FAM83C: variants seen among roughly 807,000 people sequenced by gnomAD.
FAM83C encodes scaffolding CK1 anchoring protein C.
FAM83C carries 23 observed loss-of-function variants against 27.1 expected under a neutral mutation model. The observed-to-expected ratio is 0.85, with a 90% CI of 0.61 to 1.20. The LOEUF (loss-of-function observed/expected upper bound fraction) is 1.20, where lower values mean the gene tolerates loss of function less well. FAM83C is among the 50% of genes most tolerant of loss of function. The probability of loss-of-function intolerance (pLI) is 0.00; values close to 1 mark genes in which losing one functional copy is unlikely to be tolerated. For synonymous variants in FAM83C, 426 were observed against 423.1 expected (o/e 1.01, Z -0.09); for missense variants, 984 against 1,001.3 (o/e 0.98, Z 0.23).
chr20:35,287,748 GAGGGCAGGGACGACGT>G lies in FAM83C; in HGVS notation c.1015_1030del (p.Thr339ProfsTer74). ...CTTGATGCTGCTGAGGCTGGTGCTG[GAGGGCAGGGACGACGT>G]GGGGCTTGGGACATCAGGCCTGAAG... On this transcript the variant is annotated frameshift_variant, in exon 4 of 4. Coordinates refer to ENST00000374408, the MANE Select transcript of FAM83C (RefSeq NM_178468.6). LOFTEE classifies it low-confidence loss of function (END_TRUNC). The G allele has an allele frequency of 6.2e-7, 1 of 1,613,806 alleles. No homozygotes were observed. Among genetic ancestry groups the G allele is most frequent in the Non-Finnish European group, 8.5e-7 (1 of 1,179,846 alleles).
In FAM83C at chr20:35,288,454, T is replaced by G; in HGVS notation, c.806+7A>C. 2 of 1,613,936 alleles carry G rather than the reference T, an allele frequency of 1.2e-6. No individual in the cohort carries two copies. Among genetic ancestry groups the G allele is most frequent in the Non-Finnish European group, 1.7e-6 (2 of 1,179,946 alleles). ...CAGGCCCCCCTTGCCTCCTCGTGCC[T>G]GCTCACCTGTAACTGCCCGCCACCA... On this transcript the variant is annotated splice_region_variant and intron_variant, in intron 3 of 3. Coordinates refer to ENST00000374408, the MANE Select transcript of FAM83C (RefSeq NM_178468.6).
intron 1 of FAM83C, among the ~76,000 whole-genome samples, chr20:35,291,554 TG>T (rs910938602): frequency 2.0e-4 from 30 of 152,362 alleles, no homozygotes; most frequent in African/African-American, 7.2e-4. Context: ...CAGGGGATTG[TG>T]GAGTCCCTGA....
Position 35,287,483 on chromosome 20 carries a change from A to G in FAM83C, c.1296T>C (p.Asn432=). ...CTGCCAAGGTTAAGGGGCTGGTACT[A>G]TTATGGTTGAGGGCAGGGGAGGACT... ...WSQSSPALNH[N]STSPLTLAVG... The change falls in exon 4 of 4, where the codon AAT becomes AAC. Residue 432 remains asparagine (N), a synonymous_variant. Transcript: ENST00000374408. 1.9e-6 allele frequency: 3 copies of G among 1,614,120 alleles called. No homozygotes were observed. Among genetic ancestry groups the G allele is most frequent in the Non-Finnish European group, 2.5e-6 (3 of 1,180,000 alleles).
chr20:35,287,356 C>G lies in FAM83C; in HGVS notation c.1423G>C (p.Glu475Gln). ...FPENGLPGSQ[E>Q]PSPLRGRWVP... ...CATCGACCCCGCAGGGGGCTGGGCT[C>G]TTGGCTTCCTGGGAGCCCATTCTCT... Residue 475 changes from glutamate to glutamine, a missense_variant, in exon 4 of 4, where the codon GAG (glutamate) becomes CAG (glutamine). Physicochemically the swap from Glu to Gln is conservative, Grantham distance 29. Transcript: ENST00000374408. The G allele has an allele frequency of 6.2e-7, 1 of 1,613,898 alleles. No individual in the cohort carries two copies. The highest frequency in any genetic ancestry group is 8.5e-7 in the Non-Finnish European group (1 of 1,179,960).
chr20:35,288,448 C>T lies in FAM83C; in HGVS notation c.806+13G>A, dbSNP rs777613682. On this transcript the variant is annotated intron_variant, in intron 3 of 3. Transcript: ENST00000374408. ...CAGCCCCAGGCCCCCCTTGCCTCCT[C>T]GTGCCTGCTCACCTGTAACTGCCCG... 2.4e-5 allele frequency: 38 copies of T among 1,613,518 alleles called. No homozygotes were observed. Among genetic ancestry groups the T allele is most frequent in the Non-Finnish European group, 2.6e-5 (31 of 1,179,864 alleles).
chr20:35,291,973 A>C lies in FAM83C; in HGVS notation c.332T>G (p.Val111Gly). The C allele has an allele frequency of 6.2e-7, 1 of 1,612,138 alleles. No homozygotes were observed. Among genetic ancestry groups the C allele is most frequent in the Non-Finnish European group, 8.5e-7 (1 of 1,178,528 alleles). ...GPDRLSLLSE[V>G]TSGTYFPMAS... ...CATGGGGAAGTAAGTCCCTGAGGTG[A>C]CTTCAGAGAGCAGGCTGAGGCGGTC... The change falls in exon 1 of 4, where the codon GTC becomes GGC. Residue 111 changes from valine (V) to glycine (G), a missense_variant. By Grantham distance (109) the Val-to-Gly change is moderately radical (BLOSUM62 -3). Coordinates refer to ENST00000374408, the MANE Select transcript of FAM83C (RefSeq NM_178468.6).
chr20:35,292,411 C>G lies in FAM83C; in HGVS notation c.-107G>C. ...CAGAACCGCCTTCTGCCCGCCCGCT[C>G]GCTGTGTGTGTGGCAGGGCCCCCAA... On this transcript the variant is annotated 5_prime_UTR_variant, in exon 1 of 4. Coordinates refer to ENST00000374408, the MANE Select transcript of FAM83C (RefSeq NM_178468.6). 7.1e-7 allele frequency: 1 copy of G among 1,402,954 alleles called. No individual in the cohort carries two copies. Among genetic ancestry groups the G allele is most frequent in the South Asian group, 1.5e-5 (1 of 65,836 alleles). 86.9% of individuals were successfully genotyped at this position (1,402,954 alleles called of 1,614,324 possible).
rs186160277 is a variant in FAM83C, at chr20:35,289,080, G to C, written c.514-122C>G. On this transcript the variant is annotated intron_variant, in intron 1 of 3. Coordinates refer to ENST00000374408, the MANE Select transcript of FAM83C (RefSeq NM_178468.6). The stretch of plus-strand genomic sequence containing the variant: ...TACTGGACTGAAAATCAGGAGGCCA[G>C]AGCCTTCAAGAGCAAGTGAACAGGA... 1,233 of 1,242,002 alleles carry C rather than the reference G, an allele frequency of 9.9e-4. 6 individuals are homozygous for C. The highest frequency in any genetic ancestry group is 9.4e-3 in the Middle Eastern group (33 of 3,506). 76.9% of individuals were successfully genotyped at this position (1,242,002 alleles called of 1,614,324 possible).
At chr20:35,288,394 G>A (rs2060836462) in intron 3 of FAM83C, 67 bp downstream of exon 3, 4 of 1,597,614 alleles carry the variant, frequency 2.5e-6, no homozygotes, top group Non-Finnish European at 2.6e-6. Context: ...GATGAGTGGA[G>A]GGAAGCTCAG....
In FAM83C at chr20:35,288,826, A is replaced by G. The variant is rs753693881; in HGVS notation, c.646T>C (p.Cys216Arg). The G allele has an allele frequency of 1.8e-5, 29 of 1,613,710 alleles. No homozygotes were observed. In the South Asian group the frequency reaches 3.2e-4, roughly 18 times the overall value. Residue 216 changes from cysteine to arginine, a missense_variant, in exon 2 of 4, where the codon TGC becomes CGC. Physicochemically the swap from Cys to Arg is radical, Grantham distance 180. Transcript: ENST00000374408. The part of the protein sequence containing the change: ...QEHLRHFLEM[C>R]YKMDLNGEHL... ...TCCCCATTGAGGTCCATCTTGTAGCACATCTCCAGGAAGTGCCTCAGGTGC... is the reference window on the plus strand; with the variant it reads ...TCCCCATTGAGGTCCATCTTGTAGCGCATCTCCAGGAAGTGCCTCAGGTGC...
At position 35,291,794 on chromosome 20, in the gene FAM83C, T is replaced by G; in HGVS notation, c.511A>C (p.Thr171Pro). 1 of 1,613,960 alleles carries G rather than the reference T, an allele frequency of 6.2e-7. No individual in the cohort carries two copies. Among genetic ancestry groups the G allele is most frequent in the African/African-American group, 1.3e-5 (1 of 75,054 alleles). Residue 171 changes from threonine (T) to proline (P), a missense_variant and splice_region_variant, in exon 1 of 4, where the codon ACG becomes CCG. Transcript: ENST00000374408. ...TGATGGAGAGATGAGGCCCTTACCG[T>G]GTGGGCCTGGCTGAAAAGGAAGCGC... ...LLRFLFSQAH[T>P]VVAVVMDIFT...
At chr20:35,289,418 G>A (rs550499606) in intron 1 of FAM83C, among the ~76,000 whole-genome samples, 126 of 151,676 alleles carry the variant, frequency 8.3e-4, no homozygotes, top group Non-Finnish European at 1.3e-3. Flanking sequence ...TCGGCTCACT[G>A]CAACCTCTGC....
rs1454311436 is a variant in FAM83C at position 35,292,370 on chromosome 20, A to G, written c.-66T>C. The stretch of plus-strand genomic sequence containing the variant: ...GCCCGCACGCTGGGCTGGCTGCAGC[A>G]GGAAGAGGAGACCAGCAGAACCGCC... On this transcript the variant is annotated 5_prime_UTR_variant, in exon 1 of 4. Coordinates refer to ENST00000374408, the MANE Select transcript of FAM83C (RefSeq NM_178468.6). 17 of 1,433,774 alleles carry G rather than the reference A, an allele frequency of 1.2e-5. No individual in the cohort carries two copies. The highest frequency in any genetic ancestry group is 1.5e-5 in the Non-Finnish European group (17 of 1,100,648). 88.8% of individuals were successfully genotyped at this position (1,433,774 alleles called of 1,614,324 possible).
Position 35,287,148 on chromosome 20 carries a change from CT to C in FAM83C, c.1630del (p.Arg544GlyfsTer44). 1.9e-6 allele frequency: 3 copies of C among 1,605,354 alleles called. No individual in the cohort carries two copies. Among genetic ancestry groups the C allele is most frequent in the Non-Finnish European group, 2.5e-6 (3 of 1,178,962 alleles). On this transcript the variant is annotated frameshift_variant, in exon 4 of 4. Coordinates refer to ENST00000374408, the MANE Select transcript of FAM83C (RefSeq NM_178468.6). LOFTEE classifies it low-confidence loss of function (END_TRUNC). ...LRPGEQAPED[R>X]RLSPSQADSQ... Reference sequence around the variant, plus strand: ...GTCGGCCTGGCTTGGGGACAACCTCCTGTCCTCTGGGGCCTGCTCGCCAGGC... The same window carrying C: ...GTCGGCCTGGCTTGGGGACAACCTCCGTCCTCTGGGGCCTGCTCGCCAGGC...
chr20:35,290,615 A>C (rs1369579364), intron 1 of FAM83C, among the ~76,000 whole-genome samples: 1 of 152,234 alleles, frequency 6.6e-6, no homozygotes, highest in African/African-American at 2.4e-5. Context: ...GAGTCATGAC[A>C]GCCCAGTGCA....
At position 35,292,247 on chromosome 20, in the gene FAM83C, G is replaced by T. The variant is rs751481657; in HGVS notation, c.58C>A (p.Arg20=). 8 of 1,555,090 alleles carry T rather than the reference G, an allele frequency of 5.1e-6. No homozygotes were observed. Among genetic ancestry groups the T allele is most frequent in the South Asian group, 2.3e-5 (2 of 86,890 alleles). Reference sequence around the variant, plus strand: ...AGCTTCAGCTCTTCCACCCGGCCCCGCAGGGGTCCCGCCATGCCCTGGGCT... The same window carrying T: ...AGCTTCAGCTCTTCCACCCGGCCCCTCAGGGGTCCCGCCATGCCCTGGGCT... ...LGAQGMAGPL[R]GRVEELKLPW... is the part of the protein sequence containing the mutation. The change falls in exon 1 of 4, where the codon CGG becomes AGG. Residue 20 remains arginine (R), a synonymous_variant. Transcript: ENST00000374408.
At chr20:35,289,806 T>G (rs760369682) in intron 1 of FAM83C, among the ~76,000 whole-genome samples, 14 of 152,078 alleles carry the variant, frequency 9.2e-5, no homozygotes, top group Non-Finnish European at 1.9e-4. Flanking sequence ...TTGAAAGCAT[T>G]TGTGTGCATC....
Position 35,288,578 on chromosome 20 carries a change from C to T in FAM83C, c.689G>A (p.Arg230His), listed in dbSNP as rs777256908. Residue 230 changes from arginine to histidine, a missense_variant, in exon 3 of 4, where the codon CGT becomes CAT. Transcript: ENST00000374408. ...TGTGTCCCCACACGTGCTCCGCACA[C>T]GCATGTTCTAGGTGGAAGTAGGTTG... ...DLNGEHLPNM[R>H]VRSTCGDTYC... The T allele has an allele frequency of 3.8e-5, 62 of 1,614,148 alleles. No individual in the cohort carries two copies. Among genetic ancestry groups the T allele is most frequent in the African/African-American group, 2.8e-4 (21 of 75,046 alleles).
rs1208513601 is a variant in FAM83C, at chr20:35,287,831, CG to C, written c.947del (p.Pro316ArgfsTer14). Reference protein sequence around the residue: ...PVEGFCGGEDPLSPRALRPPP... With the variant: ...PVEGFCGGEDXLSPRALRPPP... The stretch of plus-strand genomic sequence containing the variant: ...GAGGACGCAGTGCCCGGGGAGACAG[CG>C]GGTCCTCACCGCCACAGAAGCCCTC... On this transcript the variant is annotated frameshift_variant, in exon 4 of 4. Transcript: ENST00000374408. LOFTEE classifies it low-confidence loss of function (END_TRUNC). 1 of 1,571,248 alleles carries C rather than the reference CG, an allele frequency of 6.4e-7. No individual in the cohort carries two copies. Among genetic ancestry groups the C allele is most frequent in the Non-Finnish European group, 8.6e-7 (1 of 1,156,356 alleles).
Sources: gnomAD v4.1 joint callset for allele counts (sites outside exome capture counted in the v4.1 genomes callset) on GRCh38, gnomAD v4.1.1 for gene constraint, MANE v1.5 for transcripts, NCBI Gene and HGNC (gene_info 2026-07-23, HGNC 2026-07-21) for gene names.